The following CFHR4 variants were observed in gnomAD, a reference collection of about 807,000 sequenced individuals.
CFHR4 encodes complement factor H related 4.
In CFHR4, 64 loss-of-function variants were observed where a neutral mutation model predicts 69.3. That is an observed-to-expected ratio of 0.92 (90% CI 0.76 to 1.14). The LOEUF (loss-of-function observed/expected upper bound fraction) is 1.14, where lower values mean the gene tolerates loss of function less well. Among genes scored for constraint, CFHR4 ranks in the 50% most tolerant of loss-of-function variants. The probability of loss-of-function intolerance (pLI) is 0.00; values close to 1 mark genes in which losing one functional copy is unlikely to be tolerated. For missense variants in CFHR4, 636 were observed against 684.9 expected, an observed-to-expected ratio of 0.93 and a Z score of 0.80; for synonymous variants, 244 against 237.0, an observed-to-expected ratio of 1.03 and a Z score of -0.27.
At chr1:196,888,256 T>C (rs1269171417) in intron 1 of CFHR4, 48 bp downstream of exon 1, 3 of 1,568,262 alleles carry the variant, frequency 1.9e-6, no homozygotes, top group African/African-American at 2.8e-5. Context: ...TAAATGTAAC[T>C]TCGTGTAATA....
chr1:196,915,649 T>TA (rs1658571478), intron 9 of CFHR4, among the ~76,000 whole-genome samples: 2 of 146,664 alleles, frequency 1.4e-5, no homozygotes, highest in Non-Finnish European at 3.0e-5. Flanking sequence ...AATAAAAAAA[T>TA]AAAAAATAAA....
chr1:196,902,674 C>A lies in CFHR4; in HGVS notation c.256+59C>A. 4.0e-6 allele frequency: 5 copies of A among 1,253,936 alleles called. 1 individual carries two copies. The South Asian group carries it at 6.3e-5, about 16-fold the overall frequency. The allele number at this position is 1,253,936 out of a possible 1,614,324, so 77.7% of individuals were successfully genotyped here. ...AAACTTGAAAAGAGTGAGAGAACAG[C>A]AAATAAATGATTATATTGTCTTATA... On this transcript the variant is annotated intron_variant, in intron 2 of 9. Coordinates refer to ENST00000608469, the MANE Select transcript of CFHR4 (RefSeq NM_001201550.3).
rs1658191436 is a variant in CFHR4 at position 196,910,352 on chromosome 1, T to G, written c.871T>G (p.Phe291Val). 1.2e-6 allele frequency: 2 copies of G among 1,612,112 alleles called. No individual in the cohort carries two copies. Among genetic ancestry groups the G allele is most frequent in the African/African-American group, 2.7e-5 (2 of 74,452 alleles). Residue 291 changes from phenylalanine (F) to valine (V), a missense_variant, in exon 6 of 10, where the codon TTT becomes GTT. Transcript: ENST00000608469. ...TTATGAGAATACGCGTAGACCATAC[T>G]TTCCAGTAGCTACAGGACAATCTTA... ...LYYENTRRPY[F>V]PVATGQSYSY...
chr1:196,917,857 G>T (rs1658741237), intron 9 of CFHR4, among the ~76,000 whole-genome samples: 1 of 151,538 alleles, frequency 6.6e-6, no homozygotes, highest in Admixed American at 6.6e-5. Context: ...GGGGAAAGGA[G>T]GATAAGTAAC....
chr1:196,904,313 CAA>C (rs1467210554), intron 2 of CFHR4, among the ~76,000 whole-genome samples: 2 of 151,586 alleles, frequency 1.3e-5, no homozygotes, highest in Non-Finnish European at 2.9e-5. Context: ...ATGATTATGA[CAA>C]ATGCTTTATT....
At chr1:196,915,463 T>C (rs4044591) in intron 9 of CFHR4, among the ~76,000 whole-genome samples, 1 of 150,086 alleles carries the variant, frequency 6.7e-6, no homozygotes, top group East Asian at 1.9e-4. Flanking sequence ...TGGTGAACCC[T>C]GTCTCTACAA....
At position 196,900,827 on chromosome 1, in the gene CFHR4, T is replaced by A. The variant is rs572644382; in HGVS notation, c.59-1591T>A. On this transcript the variant is annotated intron_variant, in intron 1 of 9. Coordinates refer to ENST00000608469, the MANE Select transcript of CFHR4 (RefSeq NM_001201550.3). ...TGAAACTAAATGAGGCATTTTAAGC[T>A]CAACTTTGGAAGTTCAAAAAATGGG... 1.5e-3 allele frequency among the ~76,000 whole-genome samples: 222 copies of A among 151,390 alleles called. 9 individuals carry two copies. Among genetic ancestry groups the A allele is most frequent in the African/African-American group, 5.1e-3 (208 of 41,106 alleles).
At position 196,918,254 on chromosome 1, in the gene CFHR4, C is replaced by T. The variant is rs12758862; in HGVS notation, c.1585C>T (p.Gln529Ter). 6.2e-7 allele frequency: 1 copy of T among 1,606,156 alleles called. No homozygotes were observed. The highest frequency in any genetic ancestry group is 8.5e-7 in the Non-Finnish European group (1 of 1,174,664). The change falls in exon 10 of 10, where the codon CAG (glutamine) becomes TAG (stop). Residue 529 changes from glutamine (Q) to a stop codon, truncating the protein, a stop_gained. Transcript: ENST00000608469. LOFTEE classifies it low-confidence loss of function (END_TRUNC). ...AGAAAACATGAATAAAAATAACATA[C>T]AGTTAAAAGGAAAAAGTGACATAAA... Reference protein sequence around the residue: ...TEENMNKNNIQLKGKSDIKYY... With the variant: ...TEENMNKNNI
At position 196,902,582 on chromosome 1, in the gene CFHR4, C is replaced by T. The variant is rs1314130926; in HGVS notation, c.223C>T (p.Gln75Ter). 6.8e-6 allele frequency: 11 copies of T among 1,612,314 alleles called. No homozygotes were observed. The South Asian group carries it at 7.7e-5, about 11-fold the overall frequency. The change falls in exon 2 of 10, where the codon CAA becomes TAA. Residue 75 changes from glutamine to a stop codon, truncating the protein, a stop_gained. Transcript: ENST00000608469. LOFTEE classifies it high-confidence loss of function. ...GSYWDYIHCT[Q>*]DGWSPTVPCL... ...TTACTGGGATTACATTCATTGCACA[C>T]AAGATGGTTGGTCACCAACGGTCCC...
chr1:196,913,373 G>A (rs7533270), intron 7 of CFHR4, among the ~76,000 whole-genome samples: 31,566 of 151,082 alleles, frequency 0.21, 5,230 homozygotes, highest in African/African-American at 0.43. Context: ...GAATCAGACC[G>A]TAATAATTTG....
intron 6 of CFHR4, among the ~76,000 whole-genome samples, chr1:196,912,133 A>G (rs1042862859): frequency 2.0e-5 from 3 of 151,480 alleles, no homozygotes; most frequent in African/African-American, 7.3e-5. Flanking sequence ...ACTAATATAT[A>G]AAGAACAAAT....
rs1296158887 is a variant in CFHR4 at position 196,905,122 on chromosome 1, T to C, written c.271T>C (p.Ser91Pro). The change falls in exon 3 of 10, where the codon TCA becomes CCA. Residue 91 changes from serine to proline, a missense_variant. Physicochemically the swap from Ser to Pro is moderately conservative, Grantham distance 74 (BLOSUM62 -1). This residue lies in a region of CFHR4 where 529 missense variants were observed against 533.2 expected (regional missense o/e 0.99). Coordinates refer to ENST00000608469, the MANE Select transcript of CFHR4 (RefSeq NM_001201550.3). ...TVPCLRTCSK[S>P]DVEIENGFIS... Reference sequence around the variant, plus strand: ...TTCTATTTTAGGAACATGCTCAAAATCAGATGTAGAAATTGAAAATGGATT... The same window carrying C: ...TTCTATTTTAGGAACATGCTCAAAACCAGATGTAGAAATTGAAAATGGATT... 1 of 1,598,382 alleles carries C rather than the reference T, an allele frequency of 6.3e-7. No individual in the cohort carries two copies. The highest frequency in any genetic ancestry group is 8.5e-7 in the Non-Finnish European group (1 of 1,173,324).
At chr1:196,912,290 C>A (rs4044578) in intron 6 of CFHR4, among the ~76,000 whole-genome samples, 108,048 of 150,968 alleles carry the variant, frequency 0.72, 40,696 homozygotes, top group East Asian at 0.94. Flanking sequence ...TTGGAGACAA[C>A]GGATTTACAA....
chr1:196,907,296 T>C lies in CFHR4; in HGVS notation c.617-20T>C. Reference sequence around the variant, plus strand: ...AATAAAACTGTTGATTTTTCCCCAATGTAAAGTATTTTTTTTCAGATTCTT... The same window carrying C: ...AATAAAACTGTTGATTTTTCCCCAACGTAAAGTATTTTTTTTCAGATTCTT... On this transcript the variant is annotated intron_variant, in intron 4 of 9. Coordinates refer to ENST00000608469, the MANE Select transcript of CFHR4 (RefSeq NM_001201550.3). 1.9e-6 allele frequency: 3 copies of C among 1,595,026 alleles called. No homozygotes were observed. The highest frequency in any genetic ancestry group is 1.1e-5 in the South Asian group (1 of 90,640).
intron 5 of CFHR4, 23 bp downstream of exon 5, chr1:196,907,521 C>T (rs758679985): frequency 6.3e-7 from 1 of 1,581,608 alleles, no homozygotes; most frequent in Non-Finnish European, 8.7e-7. Flanking sequence ...TATTCTGGAT[C>T]TGAGAAAATT....
At chr1:196,916,658 T>G (rs1658651701) in intron 9 of CFHR4, among the ~76,000 whole-genome samples, 1 of 151,790 alleles carries the variant, frequency 6.6e-6, no homozygotes, top group Admixed American at 6.6e-5. Context: ...TCTTCAAACT[T>G]GATTTCATAG....
chr1:196,896,973 C>G (rs1315445227), intron 1 of CFHR4, among the ~76,000 whole-genome samples: 2 of 151,438 alleles, frequency 1.3e-5, no homozygotes, highest in Non-Finnish European at 2.9e-5. Context: ...TGTATAAATA[C>G]GCTGTGTTGG....
chr1:196,900,347 C>A (rs1657538059), intron 1 of CFHR4, among the ~76,000 whole-genome samples: 2 of 129,684 alleles, frequency 1.5e-5, no homozygotes, highest in African/African-American at 2.9e-5. Flanking sequence ...CTTTAGAGAA[C>A]TACCATATGA....
intron 6 of CFHR4, among the ~76,000 whole-genome samples, chr1:196,912,202 T>C (rs1658311577): frequency 6.6e-6 from 1 of 151,394 alleles, no homozygotes; most frequent in Non-Finnish European, 1.5e-5. Context: ...TTTTTCTGCT[T>C]ACATTTCCAC....
Sources: gnomAD v4.1 joint callset for allele counts (sites outside exome capture counted in the v4.1 genomes callset) on GRCh38, gnomAD v4.1.1 for gene constraint, gnomAD v4.1.1 regional missense constraint, MANE v1.5 for transcripts, NCBI Gene and HGNC (gene_info 2026-07-23, HGNC 2026-07-21) for gene names.